The following TMIGD1 variants were observed in gnomAD, a reference collection of about 807,000 sequenced individuals.
The protein encoded by TMIGD1 is transmembrane and immunoglobulin domain-containing protein 1.
Under a neutral mutation model 27.5 loss-of-function variants are expected in TMIGD1, and 29 were observed. That is an observed-to-expected ratio of 1.05 (90% confidence interval 0.78 to 1.44). The LOEUF (loss-of-function observed/expected upper bound fraction) is 1.44. Among genes scored for constraint, TMIGD1 ranks in the 40% most tolerant of loss-of-function variants. The probability of loss-of-function intolerance (pLI) is 0.00; values close to 1 mark genes in which losing one functional copy is unlikely to be tolerated. For synonymous variants in TMIGD1, 109 were observed against 110.3 expected, an observed-to-expected ratio of 0.99 and a Z score of 0.07; for missense variants, 334 against 310.6, an observed-to-expected ratio of 1.08 and a Z score of -0.57.
In TMIGD1 at chr17:30,324,920, TG is replaced by T. The variant is rs1733923508; in HGVS notation, c.535del (p.Gln179SerfsTer23). The T allele has an allele frequency of 1.2e-6, 2 of 1,614,096 alleles. No homozygotes were observed. The highest frequency in any genetic ancestry group is 3.3e-5 in the Admixed American group (2 of 60,010). On this transcript the variant is annotated frameshift_variant, in exon 4 of 7. Coordinates refer to ENST00000328886, the MANE Select transcript of TMIGD1 (RefSeq NM_206832.3). LOFTEE classifies it high-confidence loss of function. ...HQIQQTSESF[Q>X]LSITKVEKPD... Reference sequence around the variant, plus strand: ...CTTCTCGACTTTGGTGATTGACAGCTGAAAAGACTCACTTGTCTGTTGGATT... The same window carrying T: ...CTTCTCGACTTTGGTGATTGACAGCTAAAAGACTCACTTGTCTGTTGGATT...
At chr17:30,323,747 T>C (rs775484738) in intron 4 of TMIGD1, among the ~76,000 whole-genome samples, 89 of 152,130 alleles carry the variant, frequency 5.9e-4, no homozygotes, top group Non-Finnish European at 8.4e-4. Flanking sequence ...TTTTGTGGTC[T>C]TGGGGGAGGT....
intron 4 of TMIGD1, among the ~76,000 whole-genome samples, chr17:30,324,375 A>G (rs911063368): frequency 1.3e-5 from 2 of 152,098 alleles, no homozygotes; most frequent in African/African-American, 4.8e-5. Context: ...TCTGCTGATT[A>G]CCCTACAGGT....
chr17:30,319,261 A>ATATATATATATATATAT (rs1555600534), intron 4 of TMIGD1, among the ~76,000 whole-genome samples: 3 of 69,044 alleles, frequency 4.3e-5, no homozygotes, highest in African/African-American at 2.7e-4. Context: ...AAAAAAAAAA[A>ATATATATATATATATAT]ATATATATAT....
At position 30,329,524 on chromosome 17, in the gene TMIGD1, C is replaced by T; in HGVS notation, c.88G>A (p.Val30Ile). 6.2e-7 allele frequency: 1 copy of T among 1,608,734 alleles called. No individual in the cohort carries two copies. Among genetic ancestry groups the T allele is most frequent in the Non-Finnish European group, 8.5e-7 (1 of 1,175,774 alleles). Reference protein sequence around the residue: ...LFLPREMTSSVLTVNGKTENY... With the variant: ...LFLPREMTSSILTVNGKTENY... Reference sequence around the variant, plus strand: ...TCAGTTTTACCATTCACAGTTAAAACAGAACCTGGGAGTATAGGGAGAAAC... The same window carrying T: ...TCAGTTTTACCATTCACAGTTAAAATAGAACCTGGGAGTATAGGGAGAAAC... Residue 30 changes from valine to isoleucine, a missense_variant, in exon 3 of 7, where the codon GTT becomes ATT. Transcript: ENST00000328886.
chr17:30,319,177 G>T (rs1909522086), intron 4 of TMIGD1, among the ~76,000 whole-genome samples: 1 of 148,170 alleles, frequency 6.7e-6, no homozygotes, highest in African/African-American at 2.5e-5. Flanking sequence ...GTTGAGGCGG[G>T]CAGATCACTT....
chr17:30,326,201 A>G (rs1909768497), intron 3 of TMIGD1, among the ~76,000 whole-genome samples: 1 of 152,172 alleles, frequency 6.6e-6, no homozygotes, highest in South Asian at 2.1e-4. Flanking sequence ...TGGAATAGAG[A>G]ACATAATTGC....
At chr17:30,316,882 G>C in intron 6 of TMIGD1, 192 bp from the exon 7 acceptor site, 1 of 654,260 alleles carries the variant, frequency 1.5e-6, no homozygotes. Flanking sequence ...TGGCCTTGTT[G>C]TAAAGCAGTA....
intron 5 of TMIGD1, 115 bp downstream of exon 5, chr17:30,318,695 G>C (rs1437379415): frequency 1.2e-5 from 8 of 655,946 alleles, no homozygotes; most frequent in African/African-American, 9.1e-5. Flanking sequence ...ATGGTATAAA[G>C]ACCAGATTTG....
Position 30,329,449 on chromosome 17 carries a change from C to T in TMIGD1, c.163G>A (p.Ala55Thr). Residue 55 changes from alanine (A) to threonine (T), a missense_variant, in exon 3 of 7, where the codon GCT (alanine) becomes ACT (threonine). Transcript: ENST00000328886. ...TPGSQASLICAVQNHTREEEL... is the reference protein window; with the variant it reads ...TPGSQASLICTVQNHTREEEL... Reference sequence around the variant, plus strand: ...TCCTCTCTGGTGTGGTTTTGAACAGCACATATCAGAGATGCTTGGGAGCCA... The same window carrying T: ...TCCTCTCTGGTGTGGTTTTGAACAGTACATATCAGAGATGCTTGGGAGCCA... The T allele has an allele frequency of 3.1e-6, 5 of 1,614,154 alleles. No homozygotes were observed. Among genetic ancestry groups the T allele is most frequent in the Non-Finnish European group, 4.2e-6 (5 of 1,180,010 alleles).
intron 4 of TMIGD1, 39 bp from the exon 5 acceptor site, chr17:30,318,952 T>C (rs765529584): frequency 7.1e-7 from 1 of 1,413,662 alleles, no homozygotes; most frequent in Admixed American, 1.7e-5. Context: ...GAATGAACAT[T>C]TATATACTTC....
At chr17:30,330,582 C>T (rs1173845267) in intron 2 of TMIGD1, among the ~76,000 whole-genome samples, 1 of 152,088 alleles carries the variant, frequency 6.6e-6, no homozygotes, top group East Asian at 1.9e-4. Context: ...TTGGGTCTTG[C>T]ATCTATAATG....
At chr17:30,331,136 A>G (rs1433051853) in intron 2 of TMIGD1, among the ~76,000 whole-genome samples, 4 of 152,200 alleles carry the variant, frequency 2.6e-5, no homozygotes, top group Non-Finnish European at 5.9e-5. Context: ...TGAAGGTTGC[A>G]GTGAGCCAAG....
At chr17:30,319,207 C>T (rs1909523643) in intron 4 of TMIGD1, among the ~76,000 whole-genome samples, 1 of 136,286 alleles carries the variant, frequency 7.3e-6, no homozygotes, top group South Asian at 2.3e-4. Flanking sequence ...AGTTCAAGAC[C>T]AGCCTGGCCC....
chr17:30,319,252 A>G (rs1334159222), intron 4 of TMIGD1, among the ~76,000 whole-genome samples: 1 of 100,182 alleles, frequency 1.0e-5, no homozygotes, highest in Non-Finnish European at 1.8e-5. Flanking sequence ...AAAAAAAGAA[A>G]AAAAAAAAAA....
chr17:30,321,910 CG>C (rs1349220532), intron 4 of TMIGD1, among the ~76,000 whole-genome samples: 1 of 152,110 alleles, frequency 6.6e-6, no homozygotes, highest in African/African-American at 2.4e-5. Context: ...CTCACTGCAG[CG>C]TCGACCTCTA....
chr17:30,321,834 A>T (rs117577140), intron 4 of TMIGD1, among the ~76,000 whole-genome samples: 1 of 152,054 alleles, frequency 6.6e-6, no homozygotes, highest in Non-Finnish European at 1.5e-5. Context: ...AGTTATTATT[A>T]TAATTATTTT....
At chr17:30,318,081 AAGAAAGAAAGGAAGAC>A in intron 5 of TMIGD1, among the ~76,000 whole-genome samples, 1 of 152,270 alleles carries the variant, frequency 6.6e-6, no homozygotes, top group South Asian at 2.1e-4. Flanking sequence ...AAAATAAAAA[AAGAAAGAAAGGAAGAC>A]AGAAAGAAAG....
chr17:30,317,028 C>T (rs1909436590), intron 6 of TMIGD1, 165 bp downstream of exon 6: 2 of 796,766 alleles, frequency 2.5e-6, no homozygotes, highest in Admixed American at 2.2e-5. Flanking sequence ...ACTTTTCAAC[C>T]TGTCTTCCTC....
At chr17:30,329,673 T>C (rs1909910578) in intron 2 of TMIGD1, 144 bp from the exon 3 acceptor site, 3 of 626,312 alleles carry the variant, frequency 4.8e-6, no homozygotes, top group South Asian at 5.0e-5. Flanking sequence ...TTGATCTATA[T>C]GATTTTATAA....
Sources: allele counts gnomAD v4.1 joint callset (sites outside exome capture counted in the v4.1 genomes callset), GRCh38; gene constraint gnomAD v4.1.1; transcripts MANE v1.5; gene names NCBI Gene and HGNC (gene_info 2026-07-23, HGNC 2026-07-21).